The following ZNF670 variants were observed in gnomAD, a reference collection of about 807,000 sequenced individuals.
ZNF670 encodes zinc finger protein 670.
Under a neutral mutation model 10.9 loss-of-function variants are expected in ZNF670, and 7 were observed. That is an observed-to-expected ratio of 0.64 (90% CI 0.36 to 1.20). ZNF670 has a LOEUF of 1.20. Ranked by LOEUF, ZNF670 falls within the 50% of genes most tolerant of loss-of-function variation. The probability of loss-of-function intolerance (pLI) is 0.02; values close to 1 mark genes in which losing one functional copy is unlikely to be tolerated. For synonymous variants in ZNF670, 136 were observed against 152.7 expected (o/e 0.89, Z 0.81); for missense variants, 446 against 458.6 (o/e 0.97, Z 0.25).
In ZNF670 at chr1:247,037,424, A is replaced by T. The variant is rs749593516; in HGVS notation, c.*25T>A. 1 of 1,561,632 alleles carries T rather than the reference A, an allele frequency of 6.4e-7. No homozygotes were observed. ...GCTTTAACACACTTCTTACATTGAC[A>T]GAGGTGTTTTGTTGTTGTTGTTTTT... On this transcript the variant is annotated 3_prime_UTR_variant, in exon 4 of 4. Transcript: ENST00000366503.
At chr1:247,062,415 C>T (rs1220106089) in intron 1 of ZNF670, among the ~76,000 whole-genome samples, 2 of 152,116 alleles carry the variant, frequency 1.3e-5, no homozygotes, top group Non-Finnish European at 2.9e-5. Flanking sequence ...TTTTTGAAAT[C>T]CATTTCCTTC....
At position 247,062,044 on chromosome 1, in the gene ZNF670, G is replaced by A. The variant is rs1260964392; in HGVS notation, c.3+16550C>T. Among the ~76,000 whole-genome samples, 18 of 152,198 alleles carry A rather than the reference G, an allele frequency of 1.2e-4. 1 individual carries two copies. Among genetic ancestry groups the A allele is most frequent in the Admixed American group, 9.8e-4 (15 of 15,278 alleles). ...ATATTTGAGTACTCTAGGGGTTGCC[G>A]ATGGTTGTCCCGTAGGATGCAGCAC... On this transcript the variant is annotated intron_variant, in intron 1 of 3. Coordinates refer to ENST00000366503, the MANE Select transcript of ZNF670 (RefSeq NM_033213.5).
In ZNF670 at chr1:247,078,694, A is replaced by T; in HGVS notation, c.-98T>A. On this transcript the variant is annotated 5_prime_UTR_variant, in exon 1 of 4. Transcript: ENST00000366503. The stretch of plus-strand genomic sequence containing the variant: ...TGCCGCGGGACCACTTGGACCTCCC[A>T]GGGATAAGGGGAAGGAGCAGCGGAG... 1 of 1,364,024 alleles carries T rather than the reference A, an allele frequency of 7.3e-7. No individual in the cohort carries two copies. Among genetic ancestry groups the T allele is most frequent in the East Asian group, 2.3e-5 (1 of 42,646 alleles). 84.5% of individuals were successfully genotyped at this position (1,364,024 alleles called of 1,614,324 possible). A position where few individuals can be genotyped will look rare whatever the true frequency, so the allele number is the denominator to read the frequency against.
chr1:247,046,072 G>C (rs1670439049), intron 1 of ZNF670, among the ~76,000 whole-genome samples: 1 of 152,118 alleles, frequency 6.6e-6, no homozygotes, highest in Admixed American at 6.6e-5. Context: ...AGGTGGTATG[G>C]TCGCTTCTTT....
chr1:247,051,360 T>G (rs1471021117), intron 1 of ZNF670, among the ~76,000 whole-genome samples: 3 of 152,242 alleles, frequency 2.0e-5, no homozygotes, highest in Non-Finnish European at 4.4e-5. Flanking sequence ...ATTTTATTTT[T>G]CCTTCATTTA....
At chr1:247,064,093 C>T (rs1248175123) in intron 1 of ZNF670, among the ~76,000 whole-genome samples, 4 of 152,220 alleles carry the variant, frequency 2.6e-5, no homozygotes, top group African/African-American at 9.6e-5. Context: ...GGATCCCCAT[C>T]CTGCACACTC....
chr1:247,043,260 G>A (rs1330146916), intron 1 of ZNF670: 4 of 662,942 alleles, frequency 6.0e-6, no homozygotes, highest in Non-Finnish European at 1.1e-5. Context: ...TTGTCTCTGG[G>A]TATATTCTGG....
In ZNF670 at chr1:247,078,581, C is replaced by G. The variant is rs757111156; in HGVS notation, c.3+13G>C. ...CTTTTCCCCTTCCCGAGACACCTGG[C>G]CGGCACACTCACCATTTCCCAGTCT... On this transcript the variant is annotated intron_variant, in intron 1 of 3. Transcript: ENST00000366503. 64 of 1,613,798 alleles carry G rather than the reference C, an allele frequency of 4.0e-5. No individual in the cohort carries two copies. The highest frequency in any genetic ancestry group is 5.3e-5 in the Non-Finnish European group (63 of 1,179,902).
Position 247,039,497 on chromosome 1 carries a change from T to G in ZNF670, c.44A>C (p.Gln15Pro), listed in dbSNP as rs760277600. The change falls in exon 2 of 4, where the codon CAG (glutamine) becomes CCG (proline). Residue 15 changes from glutamine (Q) to proline (P), a missense_variant. Coordinates refer to ENST00000366503, the MANE Select transcript of ZNF670 (RefSeq NM_033213.5). Reference sequence around the variant, plus strand: ...AGGATCCAGCAAAGCCCACTCCTCCTGAGTAAAGGCCACAGCCACATCTTC... The same window carrying G: ...AGGATCCAGCAAAGCCCACTCCTCCGGAGTAAAGGCCACAGCCACATCTTC... ...SFEDVAVAFT[Q>P]EEWALLDPSQ... 2.2e-5 allele frequency: 35 copies of G among 1,604,968 alleles called. No individual in the cohort carries two copies. The South Asian group carries it at 3.3e-4, about 15-fold the overall frequency.
At chr1:247,041,259 T>G (rs1019184093) in intron 1 of ZNF670, among the ~76,000 whole-genome samples, 1 of 151,890 alleles carries the variant, frequency 6.6e-6, no homozygotes, top group Non-Finnish European at 1.5e-5. Context: ...AAAAAGGAAC[T>G]GGCAAATTCA....
In ZNF670 at chr1:247,038,155, C is replaced by T; in HGVS notation, c.464G>A (p.Ser155Asn). The change falls in exon 4 of 4, where the codon AGT becomes AAT. Residue 155 changes from serine to asparagine, a missense_variant. By Grantham distance (46) the Ser-to-Asn change is conservative. Transcript: ENST00000366503. ...QCGKAFISLT[S>N]VDRHMVTHTS... ...GTGTGTTACCATGTGTCTGTCAACA[C>T]TGGTGAGAGAGATAAAGGCTTTCCC... The T allele has an allele frequency of 6.2e-7, 1 of 1,614,150 alleles. No individual in the cohort carries two copies. The highest frequency in any genetic ancestry group is 8.5e-7 in the Non-Finnish European group (1 of 1,180,018).
At chr1:247,054,125 C>T (rs571965719) in intron 1 of ZNF670, among the ~76,000 whole-genome samples, 20 of 152,286 alleles carry the variant, frequency 1.3e-4, no homozygotes, top group African/African-American at 2.9e-4. Context: ...ACATTTAGAC[C>T]GTCCTAACCA....
At chr1:247,047,823 A>G (rs1670488694) in intron 1 of ZNF670, among the ~76,000 whole-genome samples, 1 of 152,156 alleles carries the variant, frequency 6.6e-6, no homozygotes, top group African/African-American at 2.4e-5. Context: ...GGTCTCTTTT[A>G]GCCACAGCTA....
chr1:247,041,388 T>C lies in ZNF670; in HGVS notation c.4-1851A>G, dbSNP rs74155745. On this transcript the variant is annotated intron_variant, in intron 1 of 3. Transcript: ENST00000366503. ...TGAACACGATTTAAAAGTGAGAAAATAAGCAAAGCATACTTAAAAGAAGAT... is the reference window on the plus strand; with the variant it reads ...TGAACACGATTTAAAAGTGAGAAAACAAGCAAAGCATACTTAAAAGAAGAT... Among the ~76,000 whole-genome samples the C allele has an allele frequency of 4.2e-3, 640 of 152,168 alleles. 8 individuals are homozygous for C. The highest frequency in any genetic ancestry group is 0.014 in the African/African-American group (593 of 41,514).
intron 1 of ZNF670, among the ~76,000 whole-genome samples, chr1:247,071,861 C>CTT (rs1230431011): frequency 7.2e-6 from 1 of 138,974 alleles, no homozygotes; most frequent in African/African-American, 2.6e-5. Context: ...TTCTTTCTTT[C>CTT]TTTTTTTTTT....
chr1:247,063,577 C>CAA (rs5782410), intron 1 of ZNF670, among the ~76,000 whole-genome samples: 4,088 of 93,088 alleles, frequency 0.044, 109 homozygotes, highest in South Asian at 0.11. Context: ...AGCGAGACAC[C>CAA]AAAAAAAAAA....
At chr1:247,068,829 CAAAAAAAAAAA>C (rs35582452) in intron 1 of ZNF670, among the ~76,000 whole-genome samples, 5 of 85,608 alleles carry the variant, frequency 5.8e-5, no homozygotes, top group Non-Finnish European at 9.0e-5. Context: ...ACTATTTTGC[CAAAAAAAAAAA>C]AAAAAAAAAG....
chr1:247,078,779 G>T lies in ZNF670; in HGVS notation c.-183C>A, dbSNP rs1032797522. 5 of 638,350 alleles carry T rather than the reference G, an allele frequency of 7.8e-6. No homozygotes were observed. The highest frequency in any genetic ancestry group is 1.3e-5 in the Non-Finnish European group (5 of 370,698). The allele number at this position is 638,350 out of a possible 1,614,324, so 39.5% of individuals were successfully genotyped here. A position where few individuals can be genotyped will look rare whatever the true frequency, so the allele number is the denominator to read the frequency against. On this transcript the variant is annotated 5_prime_UTR_variant, in exon 1 of 4. Coordinates refer to ENST00000366503, the MANE Select transcript of ZNF670 (RefSeq NM_033213.5). ...ACAAAAGCCGCGCCAGGTCCCGGAA[G>T]CTGCTCCCTCCTTTCGCGGCGCGCT...
intron 1 of ZNF670, among the ~76,000 whole-genome samples, chr1:247,049,999 C>T (rs928042815): frequency 6.6e-6 from 1 of 152,138 alleles, no homozygotes; most frequent in African/African-American, 2.4e-5. Context: ...GCATACACTG[C>T]AATTGTTGAG....
Sources: gnomAD v4.1 joint callset for allele counts (sites outside exome capture counted in the v4.1 genomes callset) on GRCh38, gnomAD v4.1.1 for gene constraint, MANE v1.5 for transcripts, NCBI Gene and HGNC (gene_info 2026-07-23, HGNC 2026-07-21) for gene names.